Variants in ATP2C1 observed in about 807,000 individuals in gnomAD.
ATP2C1 encodes the protein ATPase secretory pathway Ca2+ transporting 1.
ATP2C1 carries 31 observed loss-of-function variants against 120.5 expected under a neutral mutation model. The ratio of observed to expected loss-of-function variants is 0.26; its 90% CI spans 0.19 to 0.35. The LOEUF is 0.35. Ranked by LOEUF, ATP2C1 falls within the 10% of genes least tolerant of loss-of-function variation. The pLI, the probability that ATP2C1 is intolerant of heterozygous loss-of-function variation, is 1.00. For synonymous variants in ATP2C1, 351 were observed against 358.7 expected (o/e 0.98, Z 0.24); for missense variants, 731 against 1,107.5 (o/e 0.66, Z 4.83).
intron 2 of ATP2C1, among the ~76,000 whole-genome samples, chr3:130,926,012 A>G (rs1026553895): frequency 6.6e-6 from 1 of 152,158 alleles, no homozygotes; most frequent in Non-Finnish European, 1.5e-5. Flanking sequence ...TTTTCCAGGT[A>G]GCCGGTTACC....
chr3:130,965,591 T>C (rs1258928513), intron 14 of ATP2C1, among the ~76,000 whole-genome samples: 1 of 152,104 alleles, frequency 6.6e-6, no homozygotes, highest in Non-Finnish European at 1.5e-5. Flanking sequence ...CCTTATATGC[T>C]ACCCTTTGCT....
intron 2 of ATP2C1, among the ~76,000 whole-genome samples, chr3:130,926,709 C>T (rs79800293): frequency 0.027 from 4,116 of 152,352 alleles, 192 homozygotes; most frequent in African/African-American, 0.093. Flanking sequence ...CACACACTCA[C>T]GCTCACATAC....
At chr3:130,876,963 T>A (rs968550160) in intron 1 of ATP2C1, among the ~76,000 whole-genome samples, 3 of 152,234 alleles carry the variant, frequency 2.0e-5, no homozygotes, top group Non-Finnish European at 4.4e-5. Context: ...TTTTGTTTCC[T>A]ACAAGTTTAC....
intron 1 of ATP2C1, among the ~76,000 whole-genome samples, chr3:130,872,591 T>TG (rs2068469835): frequency 6.6e-6 from 1 of 151,926 alleles, no homozygotes; most frequent in Non-Finnish European, 1.5e-5. Flanking sequence ...TCTTTTCTTT[T>TG]TTTTTTTTTT....
chr3:130,995,347 G>A (rs1259529706), intron 22 of ATP2C1, among the ~76,000 whole-genome samples: 3 of 151,780 alleles, frequency 2.0e-5, no homozygotes, highest in Middle Eastern at 3.4e-3. Context: ...CAAGAAGGTC[G>A]AGGCTGCAGG....
chr3:130,895,786 T>C (rs1199498977), intron 2 of ATP2C1, among the ~76,000 whole-genome samples: 1 of 152,232 alleles, frequency 6.6e-6, no homozygotes, highest in African/African-American at 2.4e-5. Context: ...GTGTTTCTTA[T>C]AGATGCAGTA....
intron 17 of ATP2C1, among the ~76,000 whole-genome samples, chr3:130,972,826 G>A (rs574704743): frequency 7.2e-5 from 11 of 151,832 alleles, no homozygotes; most frequent in African/African-American, 2.2e-4. Flanking sequence ...AGTATTCCAT[G>A]GTGTATTAAA....
At chr3:130,854,671 C>T (rs959503194) in intron 1 of ATP2C1, among the ~76,000 whole-genome samples, 2 of 152,134 alleles carry the variant, frequency 1.3e-5, no homozygotes, top group East Asian at 1.9e-4. Flanking sequence ...CCTCATGAAC[C>T]CCTGGGGAGT....
chr3:130,998,321 GAC>G lies in ATP2C1; in HGVS notation c.2423_2424del (p.Thr808AsnfsTer11). On this transcript the variant is annotated frameshift_variant, in exon 26 of 28. Coordinates refer to ENST00000510168, the MANE Select transcript of ATP2C1 (RefSeq NM_001378687.1). LOFTEE classifies it high-confidence loss of function. ...ELRDNVITPR[D>X]TTMTFTCFVF... ...ACGAGACAATGTGATTACACCTCGA[GAC>G]ACAACAATGACCTTCACATGCTTTG... The G allele has an allele frequency of 6.2e-7, 1 of 1,612,682 alleles. No homozygotes were observed. The highest frequency in any genetic ancestry group is 8.5e-7 in the Non-Finnish European group (1 of 1,178,692).
intron 1 of ATP2C1, among the ~76,000 whole-genome samples, chr3:130,881,645 G>T (rs1016510126): frequency 6.6e-6 from 1 of 152,106 alleles, no homozygotes. Flanking sequence ...GATTGCTTTG[G>T]GTAGCATGGA....
intron 26 of ATP2C1, chr3:131,015,260 C>CA: frequency 2.9e-6 from 2 of 700,136 alleles, no homozygotes; most frequent in Non-Finnish European, 5.2e-6. Flanking sequence ...ACTGGGGCTG[C>CA]AACAGCAAAT....
intron 8 of ATP2C1, among the ~76,000 whole-genome samples, chr3:130,945,761 A>C (rs982921008): frequency 6.6e-6 from 1 of 152,006 alleles, no homozygotes; most frequent in Non-Finnish European, 1.5e-5. Context: ...AATCCAGTCT[A>C]TCATTGAACA....
intron 2 of ATP2C1, among the ~76,000 whole-genome samples, chr3:130,916,461 A>T (rs2058696291): frequency 6.6e-6 from 1 of 152,038 alleles, no homozygotes; most frequent in Non-Finnish European, 1.5e-5. Context: ...CGAAACTATG[A>T]TTTTCTTGGA....
chr3:130,992,554 G>C lies in ATP2C1; in HGVS notation c.1840-397G>C, dbSNP rs551783892. Among the ~76,000 whole-genome samples, 19 of 152,296 alleles carry C rather than the reference G, an allele frequency of 1.2e-4. No homozygotes were observed. In the South Asian group the frequency reaches 3.9e-3, roughly 32 times the overall value. On this transcript the variant is annotated intron_variant, in intron 20 of 27. Coordinates refer to ENST00000510168, the MANE Select transcript of ATP2C1 (RefSeq NM_001378687.1). ...ATGGCTCTACAGACACTGAGAAGCA[G>C]CTGTTCTTTATTGCTCCTGAAGACA...
intron 12 of ATP2C1, 80 bp from the exon 13 acceptor site, chr3:130,963,891 C>G (rs1180933845): frequency 6.3e-7 from 1 of 1,579,144 alleles, no homozygotes; most frequent in African/African-American, 1.4e-5. Flanking sequence ...TTTTATTAAG[C>G]TTTAAGTAAC....
intron 4 of ATP2C1, 89 bp downstream of exon 4, chr3:130,932,227 A>G (rs1481118341): frequency 2.3e-6 from 2 of 852,694 alleles, no homozygotes; most frequent in East Asian, 2.4e-5. Context: ...GATACTGTTT[A>G]TGGAGAAAGG....
chr3:130,937,272 C>T (rs1250175922), intron 5 of ATP2C1, among the ~76,000 whole-genome samples, 156 bp from the exon 6 acceptor site: 4 of 152,314 alleles, frequency 2.6e-5, no homozygotes, highest in African/African-American at 7.2e-5. Flanking sequence ...CTTCTTTCCC[C>T]ACAGGCCTTA....
chr3:130,854,972 AG>A (rs2067790676), intron 1 of ATP2C1, among the ~76,000 whole-genome samples: 1 of 152,174 alleles, frequency 6.6e-6, no homozygotes, highest in Non-Finnish European at 1.5e-5. Flanking sequence ...GCTCCTCCCC[AG>A]GTTTTTCCAT....
intron 20 of ATP2C1, among the ~76,000 whole-genome samples, chr3:130,984,775 C>T (rs2061921140): frequency 6.6e-6 from 1 of 152,042 alleles, no homozygotes; most frequent in African/African-American, 2.4e-5. Context: ...AAATAATTTA[C>T]ATTTTTAAGA....
Sources: allele counts gnomAD v4.1 joint callset (sites outside exome capture counted in the v4.1 genomes callset), GRCh38; gene constraint gnomAD v4.1.1; transcripts MANE v1.5; gene names NCBI Gene and HGNC (gene_info 2026-07-23, HGNC 2026-07-21).